RYR3: variants seen among roughly 807,000 people sequenced by gnomAD.
The protein encoded by RYR3 is brain ryanodine receptor-calcium release channel.
Under a neutral mutation model 584.3 loss-of-function variants are expected in RYR3, and 207 were observed. The observed-to-expected ratio is 0.35, with a 90% CI of 0.32 to 0.40. The LOEUF is 0.40. RYR3 is among the 10% of genes least tolerant of loss of function. The pLI is 1.00. For missense variants in RYR3, 5,616 were observed against 6,089.2 expected (o/e 0.92, Z 2.59); for synonymous variants, 2,416 against 2,248.5 (o/e 1.07, Z -2.11).
chr15:33,322,142 T>C (rs1969050814), intron 1 of RYR3, among the ~76,000 whole-genome samples: 1 of 152,226 alleles, frequency 6.6e-6, no homozygotes, highest in African/African-American at 2.4e-5. Flanking sequence ...TCTGATTACA[T>C]TTTATGTTAG....
chr15:33,783,308 T>C (rs1265285374), intron 65 of RYR3, among the ~76,000 whole-genome samples: 2 of 152,122 alleles, frequency 1.3e-5, no homozygotes, highest in Non-Finnish European at 2.9e-5. Context: ...GATCTAGAAG[T>C]TAAAAGGACA....
At chr15:33,607,020 A>G (rs2059941665) in intron 18 of RYR3, among the ~76,000 whole-genome samples, 3 of 152,192 alleles carry the variant, frequency 2.0e-5, no homozygotes, top group Admixed American at 6.5e-5. Flanking sequence ...GATGAGTTCC[A>G]GGGTATTTGT....
intron 50 of RYR3, 117 bp downstream of exon 50, chr15:33,738,707 A>G: frequency 9.1e-7 from 1 of 1,097,142 alleles, no homozygotes; most frequent in Admixed American, 2.2e-5. Flanking sequence ...TAAGTACTTC[A>G]CAAGCATATT....
At chr15:33,774,076 A>G (rs926252547) in intron 64 of RYR3, among the ~76,000 whole-genome samples, 4 of 152,204 alleles carry the variant, frequency 2.6e-5, no homozygotes, top group African/African-American at 9.7e-5. Flanking sequence ...CATAGTTTTC[A>G]ACAAGTGCAC....
chr15:33,786,074 C>T (rs983632119), intron 66 of RYR3, 92 bp downstream of exon 66: 8 of 1,146,144 alleles, frequency 7.0e-6, no homozygotes, highest in Non-Finnish European at 9.8e-6. Context: ...GATGGTTTTG[C>T]ACAAGCTCTA....
chr15:33,540,771 C>T lies in RYR3; in HGVS notation c.547-20C>T. ...TGGACTGGTGATTTAAAAGATGTCT[C>T]ATTTCTGTTTCTGCTGCAGCATCTC... On this transcript the variant is annotated intron_variant, in intron 6 of 103. Coordinates refer to ENST00000634891, the MANE Select transcript of RYR3 (RefSeq NM_001036.6). 6.6e-7 allele frequency: 1 copy of T among 1,508,456 alleles called. No homozygotes were observed. The highest frequency in any genetic ancestry group is 2.3e-5 in the East Asian group (1 of 44,314). 93.4% of individuals were successfully genotyped at this position (1,508,456 alleles called of 1,614,324 possible).
intron 60 of RYR3, among the ~76,000 whole-genome samples, chr15:33,761,553 G>A (rs1433619454): frequency 6.6e-6 from 1 of 152,132 alleles, no homozygotes. Context: ...GACTAAACCA[G>A]GAAGAAGTCG....
At position 33,838,630 on chromosome 15, in the gene RYR3, G is replaced by A; in HGVS notation, c.12650G>A (p.Gly4217Glu). 1 of 1,613,890 alleles carries A rather than the reference G, an allele frequency of 6.2e-7. No individual in the cohort carries two copies. Among genetic ancestry groups the A allele is most frequent in the South Asian group, 1.1e-5 (1 of 91,060 alleles). ...ATCCTCTGGAGCACAGTGTTTGGAG[G>A]GGGCCTGGTAGAAGGGGCAAAGAAC... ...FQILWSTVFG[G>E]GLVEGAKNIR... Residue 4217 changes from glycine (G) to glutamate (E), a missense_variant, in exon 89 of 104, where the codon GGG (glycine) becomes GAG (glutamate). Physicochemically the swap from Gly to Glu is moderately conservative, Grantham distance 98. This residue lies in a region of RYR3 where 918 missense variants were observed against 887.4 expected (regional missense o/e 1.03). Coordinates refer to ENST00000634891, the MANE Select transcript of RYR3 (RefSeq NM_001036.6).
At chr15:33,659,900 C>A in intron 33 of RYR3, 94 bp downstream of exon 33, 2 of 862,042 alleles carry the variant, frequency 2.3e-6, no homozygotes, top group Non-Finnish European at 1.9e-6. Flanking sequence ...ATGGGAGAAG[C>A]CTGTTCACTT....
chr15:33,664,505 G>A (rs2063359562), intron 36 of RYR3, among the ~76,000 whole-genome samples: 1 of 150,736 alleles, frequency 6.6e-6, no homozygotes, highest in South Asian at 2.1e-4. Context: ...AAATCTTTCA[G>A]CGAAGGAAGT....
chr15:33,373,687 G>A (rs2040507393), intron 1 of RYR3, among the ~76,000 whole-genome samples: 1 of 152,130 alleles, frequency 6.6e-6, no homozygotes, highest in African/African-American at 2.4e-5. Context: ...GTTCTGATGT[G>A]TTTTAAATTG....
intron 3 of RYR3, among the ~76,000 whole-genome samples, chr15:33,506,993 T>G (rs2052540329): frequency 6.6e-6 from 1 of 152,216 alleles, no homozygotes; most frequent in Non-Finnish European, 1.5e-5. Context: ...CCATTCTGTT[T>G]GGAAATAGCC....
intron 43 of RYR3, among the ~76,000 whole-genome samples, chr15:33,710,967 C>G (rs2067068064): frequency 6.6e-6 from 1 of 152,200 alleles, no homozygotes; most frequent in Non-Finnish European, 1.5e-5. Context: ...CTCTGAAATG[C>G]CTTTGAGGCC....
At chr15:33,794,117 A>G (rs1298425141) in intron 67 of RYR3, among the ~76,000 whole-genome samples, 1 of 130,350 alleles carries the variant, frequency 7.7e-6, no homozygotes, top group African/African-American at 3.0e-5. Flanking sequence ...TATAATATAC[A>G]TAAATATATA....
chr15:33,652,919 C>T (rs1011258155), intron 32 of RYR3, 36 bp downstream of exon 32: 1 of 1,574,964 alleles, frequency 6.3e-7, no homozygotes, highest in South Asian at 1.2e-5. Context: ...CAGGGCTATC[C>T]CAGGCCTGGT....
chr15:33,363,078 G>T (rs1376350825), intron 1 of RYR3, among the ~76,000 whole-genome samples: 1 of 152,140 alleles, frequency 6.6e-6, no homozygotes, highest in Non-Finnish European at 1.5e-5. Flanking sequence ...CCTTCATCTG[G>T]CATCTCCATT....
chr15:33,662,637 G>A lies in RYR3; in HGVS notation c.5107G>A (p.Val1703Met). The part of the protein sequence containing the change: ...TKALSMLTEA[V>M]QCSGAHIRDP... ...GGCTCTGAGTATGCTGACAGAGGCA[G>A]TGCAGTGCAGCGGGGCCCACATCCG... The change falls in exon 35 of 104, where the codon GTG becomes ATG. Residue 1703 changes from valine to methionine, a missense_variant. This residue lies in a region of RYR3 where 753 missense variants were observed against 741.0 expected (regional missense o/e 1.02). Transcript: ENST00000634891. 1.9e-6 allele frequency: 3 copies of A among 1,614,088 alleles called. No individual in the cohort carries two copies. The South Asian group carries it at 3.3e-5, about 18-fold the overall frequency.
At chr15:33,505,403 T>C (rs552931349) in intron 3 of RYR3, among the ~76,000 whole-genome samples, 3 of 152,212 alleles carry the variant, frequency 2.0e-5, no homozygotes, top group Non-Finnish European at 4.4e-5. Context: ...TCATTTAATG[T>C]TCTCCTCAGT....
chr15:33,631,175 G>C (rs1162587878), intron 22 of RYR3, 35 bp from the exon 23 acceptor site: 1 of 1,360,500 alleles, frequency 7.4e-7, no homozygotes, highest in African/African-American at 1.5e-5. Flanking sequence ...TAACACTGCA[G>C]TTAACCTTAG....
Sources: gnomAD v4.1 joint callset for allele counts (sites outside exome capture counted in the v4.1 genomes callset) on GRCh38, gnomAD v4.1.1 for gene constraint, gnomAD v4.1.1 regional missense constraint, MANE v1.5 for transcripts, NCBI Gene and HGNC (gene_info 2026-07-23, HGNC 2026-07-21) for gene names.